Variants in CCDC66 observed in about 807,000 individuals in gnomAD.
The protein encoded by CCDC66 is coiled-coil domain containing 66.
Under a neutral mutation model 128.3 loss-of-function variants are expected in CCDC66, and 133 were observed. That is an observed-to-expected ratio of 1.04 (90% confidence interval 0.90 to 1.20). The LOEUF is 1.20. Among genes scored for constraint, CCDC66 ranks in the 50% most tolerant of loss-of-function variants. The probability of loss-of-function intolerance (pLI) is 0.00; values close to 1 mark genes in which losing one functional copy is unlikely to be tolerated. For synonymous variants in CCDC66, 387 were observed against 357.0 expected, an observed-to-expected ratio of 1.08 and a Z score of -0.95; for missense variants, 1,126 against 1,075.5, an observed-to-expected ratio of 1.05 and a Z score of -0.66.
chr3:56,592,042 A>C (rs1051413200), intron 7 of CCDC66, among the ~76,000 whole-genome samples: 18 of 152,202 alleles, frequency 1.2e-4, no homozygotes, highest in African/African-American at 4.1e-4. Context: ...AGTGGCAGCA[A>C]ACTTTTATGC....
chr3:56,568,125 A>C (rs1469992759), intron 6 of CCDC66, among the ~76,000 whole-genome samples: 1 of 152,208 alleles, frequency 6.6e-6, no homozygotes, highest in Non-Finnish European at 1.5e-5. Context: ...GAGAATCCTC[A>C]GAGAAAGCCT....
rs540530026 is a variant in CCDC66, at chr3:56,571,895, AT to A, written c.936+601del. On this transcript the variant is annotated intron_variant, in intron 7 of 17. Transcript: ENST00000394672. ...CACCATGCCCAGCTAATTAAAAAAA[AT>A]TTTTTTTAGAGACAGGGTCTCACTG... Among the ~76,000 whole-genome samples the A allele has an allele frequency of 5.4e-4, 82 of 151,218 alleles. 2 individuals are homozygous for A. The South Asian group carries it at 0.017, about 31-fold the overall frequency.
chr3:56,596,778 T>G (rs1251618167), intron 10 of CCDC66, among the ~76,000 whole-genome samples: 2 of 109,040 alleles, frequency 1.8e-5, no homozygotes, highest in Admixed American at 9.3e-5. Flanking sequence ...TTTTTTTTTT[T>G]GAAGTGGAGT....
intron 7 of CCDC66, among the ~76,000 whole-genome samples, chr3:56,575,854 G>A (rs527449577): frequency 6.6e-6 from 1 of 151,888 alleles, no homozygotes; most frequent in African/African-American, 2.4e-5. Context: ...ATTGAATGGT[G>A]TTGGCTCCCT....
At chr3:56,584,175 C>T (rs1341409503) in intron 7 of CCDC66, among the ~76,000 whole-genome samples, 1 of 146,180 alleles carries the variant, frequency 6.8e-6, no homozygotes, top group African/African-American at 2.5e-5. Flanking sequence ...ACCTCCCGGG[C>T]GGGGCGGCTG....
chr3:56,620,988 T>TAAA, intron 17 of CCDC66: 1 of 134,454 alleles, frequency 7.4e-6, no homozygotes, highest in East Asian at 2.4e-4. Flanking sequence ...CTGTCTCTAC[T>TAAA]AAAAATACAA....
chr3:56,565,238 C>A, intron 4 of CCDC66: 1 of 233,654 alleles, frequency 4.3e-6, no homozygotes, highest in South Asian at 3.4e-5. Flanking sequence ...TTGTATTCCC[C>A]TTTAGGTTGT....
chr3:56,561,314 T>C (rs1332183726), intron 3 of CCDC66: 1 of 455,776 alleles, frequency 2.2e-6, no homozygotes, highest in South Asian at 1.6e-5. Flanking sequence ...TTTAACCAAC[T>C]CAGAACATCT....
chr3:56,603,904 T>C (rs2073652726), intron 10 of CCDC66, among the ~76,000 whole-genome samples: 1 of 152,100 alleles, frequency 6.6e-6, no homozygotes. Flanking sequence ...TCTCCCATTA[T>C]CATTGTGTGG....
intron 10 of CCDC66, 124 bp downstream of exon 10, chr3:56,594,152 T>A: frequency 1.2e-6 from 1 of 836,568 alleles, no homozygotes; most frequent in Non-Finnish European, 2.0e-6. Context: ...TCCAGTTGTG[T>A]CACGAATCCA....
At chr3:56,571,388 G>GTTTT in intron 7 of CCDC66, 86 bp downstream of exon 7, 1 of 538,228 alleles carries the variant, frequency 1.9e-6, no homozygotes, top group Non-Finnish European at 2.8e-6. Flanking sequence ...AAAAAAAAAA[G>GTTTT]TTTTTTTTTT....
rs1559662818 is a variant in CCDC66 at position 56,582,848 on chromosome 3, C to CA, written c.937-10122_937-10121insA. On this transcript the variant is annotated intron_variant, in intron 7 of 17. Transcript: ENST00000394672. ...TTCCCTTTTTTGACTTCTCAACTTTCTTTATTATTATTATTATTATTATTA... is the reference window on the plus strand; with the variant it reads ...TTCCCTTTTTTGACTTCTCAACTTTCATTTATTATTATTATTATTATTATTA... Among the ~76,000 whole-genome samples, 449 of 132,828 alleles carry CA rather than the reference C, an allele frequency of 3.4e-3. 1 individual carries two copies. Among genetic ancestry groups the CA allele is most frequent in the African/African-American group, 0.011 (410 of 36,130 alleles). The allele number at this position is 132,828 out of a possible 152,430, so 87.1% of individuals were successfully genotyped here.
At chr3:56,602,683 C>T (rs1402272456) in intron 10 of CCDC66, among the ~76,000 whole-genome samples, 1 of 151,746 alleles carries the variant, frequency 6.6e-6, no homozygotes, top group Non-Finnish European at 1.5e-5. Flanking sequence ...AGGGATTCGT[C>T]TTCTTCTTGG....
chr3:56,579,221 T>G (rs1325952971), intron 7 of CCDC66, among the ~76,000 whole-genome samples: 1 of 151,886 alleles, frequency 6.6e-6, no homozygotes, highest in Admixed American at 6.6e-5. Context: ...TTCTCTGATG[T>G]TAGTTTGTAT....
At chr3:56,598,285 G>A (rs1447163595) in intron 10 of CCDC66, among the ~76,000 whole-genome samples, 1 of 151,954 alleles carries the variant, frequency 6.6e-6, no homozygotes, top group Non-Finnish European at 1.5e-5. Context: ...AGCCACCCAA[G>A]TAGCTGGAAT....
chr3:56,585,089 AGGGAGAGGGAGACCATG>A (rs936522012), intron 7 of CCDC66, among the ~76,000 whole-genome samples: 1 of 126,844 alleles, frequency 7.9e-6, no homozygotes, highest in African/African-American at 3.2e-5. Context: ...GTGGAAAGAG[AGGGAGAGGGAGACCATG>A]GGGAGGGGGA....
intron 7 of CCDC66, chr3:56,572,297 A>T: frequency 1.7e-6 from 2 of 1,159,804 alleles, no homozygotes; most frequent in Non-Finnish European, 2.3e-6. Context: ...GTAAAGAAAC[A>T]GTGTCACTGT....
At chr3:56,603,201 GGTCT>G (rs3856700) in intron 10 of CCDC66, among the ~76,000 whole-genome samples, 5,108 of 151,876 alleles carry the variant, frequency 0.034, 126 homozygotes, top group Middle Eastern at 0.079. Flanking sequence ...TCTGGCTAGT[GGTCT>G]GTCTATTTTG....
At position 56,559,570 on chromosome 3, in the gene CCDC66, A is replaced by G; in HGVS notation, c.78A>G (p.Glu26=). ...GKTKLILSPY[E]HKSKISVKMG... ...AGTAATTTCTTTTTTCTTTTGTAGA[A>G]CATAAATCAAAAATTTCTGTGAAGG... The change falls in exon 3 of 18, where the codon GAA becomes GAG. Residue 26 remains glutamate (E), a splice_region_variant and synonymous_variant. Transcript: ENST00000394672. The G allele has an allele frequency of 6.5e-7, 1 of 1,535,444 alleles. No individual in the cohort carries two copies. The highest frequency in any genetic ancestry group is 1.2e-5 in the South Asian group (1 of 81,112).
Sources: allele counts gnomAD v4.1 joint callset (sites outside exome capture counted in the v4.1 genomes callset), GRCh38; gene constraint gnomAD v4.1.1; transcripts MANE v1.5; gene names NCBI Gene and HGNC (gene_info 2026-07-23, HGNC 2026-07-21).